The following ASAP1 variants were observed in gnomAD, a reference collection of about 807,000 sequenced individuals.
The protein encoded by ASAP1 is arf-GAP with SH3 domain, ANK repeat and PH domain-containing protein 1.
In ASAP1, 43 loss-of-function variants were observed where a neutral mutation model predicts 145.2. The ratio of observed to expected loss-of-function variants is 0.30; its 90% confidence interval spans 0.23 to 0.38. ASAP1 has a LOEUF of 0.38. Among genes scored for constraint, ASAP1 ranks in the 10% least tolerant of loss-of-function variants. The pLI is 1.00. For synonymous variants in ASAP1, 546 were observed against 515.5 expected (o/e 1.06, Z -0.80); for missense variants, 1,018 against 1,355.3 (o/e 0.75, Z 3.91).
chr8:130,203,410 C>T (rs557064664), intron 5 of ASAP1, among the ~76,000 whole-genome samples: 4 of 152,264 alleles, frequency 2.6e-5, no homozygotes, highest in African/African-American at 9.6e-5. Flanking sequence ...ACCCGTGTTT[C>T]CCGGTGCTGG....
chr8:130,152,162 T>C (rs957412483), intron 13 of ASAP1, among the ~76,000 whole-genome samples: 2 of 152,224 alleles, frequency 1.3e-5, no homozygotes, highest in Non-Finnish European at 2.9e-5. Context: ...TGGCACAGGA[T>C]ACTGTAATTT....
intron 17 of ASAP1, 84 bp downstream of exon 17, chr8:130,125,872 G>T: frequency 7.3e-7 from 1 of 1,362,464 alleles, no homozygotes; most frequent in Non-Finnish European, 1.0e-6. Context: ...GTACTCAGCA[G>T]ACATACAAAA....
chr8:130,200,903 C>A (rs1379737615), intron 5 of ASAP1, among the ~76,000 whole-genome samples: 2 of 152,182 alleles, frequency 1.3e-5, no homozygotes, highest in African/African-American at 4.8e-5. Flanking sequence ...AAAAGTGAAT[C>A]TGGAGAGAAA....
At chr8:130,070,859 GAGAGAGGGAGAGAGAGGGA>G in intron 27 of ASAP1, among the ~76,000 whole-genome samples, 1 of 4,670 alleles carries the variant, frequency 2.1e-4, no homozygotes, top group Non-Finnish European at 3.9e-4. Flanking sequence ...GAGAGAGAGG[GAGAGAGGGAGAGAGAGGGA>G]GAGAGGGAGA....
intron 12 of ASAP1, among the ~76,000 whole-genome samples, chr8:130,158,512 T>C (rs2097662515): frequency 6.6e-6 from 1 of 151,972 alleles, no homozygotes. Flanking sequence ...CAAGGTCCTG[T>C]CCCCTCCCTC....
intron 3 of ASAP1, among the ~76,000 whole-genome samples, chr8:130,249,629 G>C (rs951111407): frequency 1.3e-5 from 2 of 152,090 alleles, no homozygotes; most frequent in African/African-American, 2.4e-5. Flanking sequence ...TGCTATGAGA[G>C]CACCTGCCAG....
intron 3 of ASAP1, among the ~76,000 whole-genome samples, chr8:130,267,701 G>A (rs921883610): frequency 6.6e-6 from 1 of 152,192 alleles, no homozygotes; most frequent in African/African-American, 2.4e-5. Flanking sequence ...TGTGGTCAGG[G>A]TGGAATATCC....
intron 2 of ASAP1, among the ~76,000 whole-genome samples, chr8:130,371,661 T>C (rs571897243): frequency 4.6e-5 from 7 of 152,290 alleles, no homozygotes; most frequent in Admixed American, 2.6e-4. Flanking sequence ...TACTGTAATG[T>C]GGTTGTGACG....
At chr8:130,432,403 T>C (rs80335278) in intron 1 of ASAP1, among the ~76,000 whole-genome samples, 4,810 of 152,208 alleles carry the variant, frequency 0.032, 96 homozygotes, top group African/African-American at 0.058. Context: ...TAAAGGTTCT[T>C]CATTTTGGAA....
At chr8:130,439,028 G>A (rs1018186110) in intron 1 of ASAP1, among the ~76,000 whole-genome samples, 3 of 152,228 alleles carry the variant, frequency 2.0e-5, no homozygotes, top group Non-Finnish European at 4.4e-5. Context: ...TTGCTAAGCT[G>A]TTGACCTTAA....
chr8:130,387,803 T>C (rs539214612), intron 2 of ASAP1, among the ~76,000 whole-genome samples: 5 of 152,302 alleles, frequency 3.3e-5, no homozygotes, highest in African/African-American at 9.6e-5. Flanking sequence ...GCAGCAGCCA[T>C]TGATTTTATT....
At chr8:130,188,225 A>C (rs576257345) in intron 5 of ASAP1, 42 bp from the exon 6 acceptor site, 19 of 1,487,756 alleles carry the variant, frequency 1.3e-5, no homozygotes, top group Non-Finnish European at 1.5e-5. Context: ...TAAAAAATAA[A>C]GTCCACATGA....
At chr8:130,294,195 AC>A (rs1186947613) in intron 3 of ASAP1, among the ~76,000 whole-genome samples, 1 of 152,200 alleles carries the variant, frequency 6.6e-6, no homozygotes, top group Non-Finnish European at 1.5e-5. Flanking sequence ...TAGCCTTTCA[AC>A]CACTTTCACC....
intron 14 of ASAP1, 151 bp downstream of exon 14, chr8:130,136,799 TG>T: frequency 1.5e-6 from 1 of 668,148 alleles, no homozygotes; most frequent in Non-Finnish European, 2.6e-6. Flanking sequence ...TTAAGAGACC[TG>T]GGGCATCTTC....
At chr8:130,300,153 C>CACACACAGAG (rs1196584279) in intron 3 of ASAP1, among the ~76,000 whole-genome samples, 138 of 76,886 alleles carry the variant, frequency 1.8e-3, no homozygotes, top group Admixed American at 3.4e-3. Context: ...CACACACACA[C>CACACACAGAG]AGAGAGAGAG....
chr8:130,072,824 T>TGTGTGTGTGTGCGCGTGTGCGCGCGCGC, intron 27 of ASAP1, among the ~76,000 whole-genome samples: 2 of 32,282 alleles, frequency 6.2e-5, no homozygotes, highest in African/African-American at 2.4e-4. Flanking sequence ...TGTGTGTGTG[T>TGTGTGTGTGTGCGCGTGTGCGCGCGCGC]GCGCGCGGGG....
At chr8:130,274,631 T>C (rs562679514) in intron 3 of ASAP1, among the ~76,000 whole-genome samples, 1 of 152,222 alleles carries the variant, frequency 6.6e-6, no homozygotes, top group South Asian at 2.1e-4. Flanking sequence ...TCTTTGAGAA[T>C]TAATACTGGA....
chr8:130,359,639 C>T (rs1267092037), intron 2 of ASAP1, among the ~76,000 whole-genome samples: 1 of 137,040 alleles, frequency 7.3e-6, no homozygotes, highest in Non-Finnish European at 1.6e-5. Context: ...TTTTTTGAGA[C>T]GGAGTCTCGC....
intron 3 of ASAP1, among the ~76,000 whole-genome samples, chr8:130,286,125 G>C (rs1433111514): frequency 6.6e-6 from 1 of 152,142 alleles, no homozygotes; most frequent in African/African-American, 2.4e-5. Context: ...TCTAAATGAA[G>C]AAAAGAAGGC....
Sources: allele counts gnomAD v4.1 joint callset (sites outside exome capture counted in the v4.1 genomes callset), GRCh38; gene constraint gnomAD v4.1.1; transcripts MANE v1.5; gene names NCBI Gene and HGNC (gene_info 2026-07-23, HGNC 2026-07-21).